Variants in CD9 observed in about 807,000 individuals in gnomAD.
CD9 encodes CD9 antigen.
CD9 carries 10 observed loss-of-function variants against 31.4 expected under a neutral mutation model. The ratio of observed to expected loss-of-function variants is 0.32; its 90% CI spans 0.20 to 0.54. CD9 has a LOEUF of 0.54. Ranked by LOEUF, CD9 falls within the 20% of genes least tolerant of loss-of-function variation. CD9 has a pLI of 0.94. For synonymous variants in CD9, 113 were observed against 114.1 expected (o/e 0.99, Z 0.06); for missense variants, 259 against 300.1 (o/e 0.86, Z 1.01).
At chr12:6,217,405 C>T (rs1325518639) in intron 1 of CD9, among the ~76,000 whole-genome samples, 1 of 152,116 alleles carries the variant, frequency 6.6e-6, no homozygotes, top group African/African-American at 2.4e-5. Context: ...GTGGCTTCCA[C>T]CTGTGGTGCC....
rs1946512037 is a variant in CD9 at position 6,235,758 on chromosome 12, A to C, written c.537+193A>C. On this transcript the variant is annotated intron_variant, in intron 6 of 7. Transcript: ENST00000009180. ...TCAAGGGCAATAAAACAAAGGCCGGACCAGGGGAATGACAAGTGTTCTGGC... is the reference window on the plus strand; with the variant it reads ...TCAAGGGCAATAAAACAAAGGCCGGCCCAGGGGAATGACAAGTGTTCTGGC... The C allele has an allele frequency of 2.1e-6, 3 of 1,406,040 alleles. No individual in the cohort carries two copies. In the Admixed American group the frequency reaches 9.2e-5, roughly 43 times the overall value. 87.1% of individuals were successfully genotyped at this position (1,406,040 alleles called of 1,614,324 possible). A position where few individuals can be genotyped will look rare whatever the true frequency, so the allele number is the denominator to read the frequency against.
At chr12:6,212,741 G>A (rs1032961407) in intron 1 of CD9, among the ~76,000 whole-genome samples, 8 of 152,168 alleles carry the variant, frequency 5.3e-5, no homozygotes, top group African/African-American at 1.7e-4. Context: ...TGTGGGGTAG[G>A]TACCATAATC....
chr12:6,211,026 T>TG (rs1946188601), intron 1 of CD9, among the ~76,000 whole-genome samples: 1 of 151,834 alleles, frequency 6.6e-6, no homozygotes, highest in African/African-American at 2.4e-5. Context: ...TTAGTAGAGA[T>TG]GGGGTTTCAC....
intron 1 of CD9, among the ~76,000 whole-genome samples, chr12:6,203,444 A>G (rs966518717): frequency 2.0e-5 from 3 of 152,216 alleles, no homozygotes; most frequent in Admixed American, 2.0e-4. Flanking sequence ...GCCAGTGCCC[A>G]GCAGCACTTT....
intron 2 of CD9, among the ~76,000 whole-genome samples, chr12:6,228,570 A>C (rs895265379): frequency 2.6e-5 from 4 of 151,722 alleles, no homozygotes; most frequent in East Asian, 1.9e-4. Context: ...AAAAAAAAAA[A>C]AAAAAAAAAA....
At chr12:6,218,528 C>A (rs1174483361) in intron 1 of CD9, among the ~76,000 whole-genome samples, 1 of 152,208 alleles carries the variant, frequency 6.6e-6, no homozygotes, top group Non-Finnish European at 1.5e-5. Context: ...TACATACGAA[C>A]CTCCCCAGGT....
upstream of CD9, chr12:6,200,217 G>A: frequency 6.2e-6 from 1 of 160,310 alleles, no homozygotes; most frequent in African/African-American, 2.5e-5. Context: ...AGCTGGGGCC[G>A]GGGCTCGCCG....
chr12:6,220,272 G>C (rs1946280536), intron 1 of CD9, among the ~76,000 whole-genome samples: 1 of 152,214 alleles, frequency 6.6e-6, no homozygotes, highest in South Asian at 2.1e-4. Context: ...GAGGCACAAT[G>C]CACGAGGCTG....
At chr12:6,205,924 T>G (rs892729804) in intron 1 of CD9, 1 of 152,268 alleles carries the variant, frequency 6.6e-6, no homozygotes, top group Non-Finnish European at 1.5e-5. Flanking sequence ...TTGAGGAAGC[T>G]GCATGTTTAT....
chr12:6,227,356 G>A (rs1946382739), intron 2 of CD9, among the ~76,000 whole-genome samples: 1 of 152,016 alleles, frequency 6.6e-6, no homozygotes, highest in Non-Finnish European at 1.5e-5. Flanking sequence ...GTGCCACCAT[G>A]CCCAGCTGAT....
rs11568260 is a variant in CD9, at chr12:6,232,145, TA to T, written c.176-486del. The T allele has an allele frequency of 0.011, 1,939 of 175,664 alleles. 38 individuals are homozygous for T. The highest frequency in any genetic ancestry group is 0.045 in the African/African-American group (1,869 of 41,676). The allele number at this position is 175,664 out of a possible 1,614,324, so 10.9% of individuals were successfully genotyped here. On this transcript the variant is annotated intron_variant, in intron 2 of 7. Transcript: ENST00000009180. This position sits in a 1 kb window ranked among gnomAD's most constrained non-coding sequence, Gnocchi z 4.8. ...AGAGTTGGTTCCCCCCACCCCTGGG[TA>T]GGGGGGTGCCTAGGTGTGCACGGCC...
chr12:6,211,912 C>G (rs1463938678), intron 1 of CD9, among the ~76,000 whole-genome samples: 1 of 152,200 alleles, frequency 6.6e-6, no homozygotes, highest in East Asian at 1.9e-4. Context: ...CGCCAGTACA[C>G]TTCACTGAAG....
At position 6,201,854 on chromosome 12, in the gene CD9, T is replaced by C. The variant is rs368113313; in HGVS notation, c.66+1289T>C. Among the ~76,000 whole-genome samples the C allele has an allele frequency of 6.6e-5, 10 of 151,970 alleles. No individual in the cohort carries two copies. In the East Asian group the frequency reaches 1.2e-3, roughly 18 times the overall value. ...AGGTTCAAGACCAGCCTGGGTAACA[T>C]AGTGAGACCCCCATCTCCACAAAAA... On this transcript the variant is annotated intron_variant, in intron 1 of 7. Transcript: ENST00000009180.
chr12:6,203,511 A>T, intron 1 of CD9, among the ~76,000 whole-genome samples: 1 of 152,174 alleles, frequency 6.6e-6, no homozygotes, highest in East Asian at 1.9e-4. Flanking sequence ...GGCCAACCTC[A>T]GTGGAGTAGG....
intron 6 of CD9, 186 bp from the exon 7 acceptor site, chr12:6,236,006 A>G (rs1946516980): frequency 7.0e-7 from 1 of 1,429,530 alleles, no homozygotes; most frequent in East Asian, 2.5e-5. Flanking sequence ...GGGATCCACT[A>G]GCATAGCCAT....
rs1018163444 is a variant in CD9, at chr12:6,232,135, C to G, written c.176-497C>G. 1.3e-4 allele frequency: 22 copies of G among 172,980 alleles called. No individual in the cohort carries two copies. Among genetic ancestry groups the G allele is most frequent in the Admixed American group, 2.2e-4 (4 of 18,482 alleles). The allele number at this position is 172,980 out of a possible 1,614,324, so 10.7% of individuals were successfully genotyped here. ...GGGAACAGGCAGAGTTGGTTCCCCC[C>G]ACCCCTGGGTAGGGGGGTGCCTAGG... On this transcript the variant is annotated intron_variant, in intron 2 of 7. Coordinates refer to ENST00000009180, the MANE Select transcript of CD9 (RefSeq NM_001769.4). The surrounding 1 kb of genome is among the most constrained non-coding windows in gnomAD (Gnocchi z 4.8).
chr12:6,216,036 G>C (rs1044948366), intron 1 of CD9, among the ~76,000 whole-genome samples: 2 of 152,170 alleles, frequency 1.3e-5, no homozygotes, highest in Admixed American at 6.5e-5. Context: ...ACACAGAGAG[G>C]GTTGGAGGAG....
In CD9 at chr12:6,200,885, G is replaced by C. The variant is rs183031281; in HGVS notation, c.66+320G>C. Reference sequence around the variant, plus strand: ...AGGATTTGAGCTGGGGTGTGTGTCTGCTCCCAGCTCAAGTCCCTCCGAGTG... The same window carrying C: ...AGGATTTGAGCTGGGGTGTGTGTCTCCTCCCAGCTCAAGTCCCTCCGAGTG... On this transcript the variant is annotated intron_variant, in intron 1 of 7. Transcript: ENST00000009180. 8.1e-4 allele frequency: 223 copies of C among 274,268 alleles called. 3 individuals are homozygous for C. In the East Asian group the frequency reaches 0.014, roughly 17 times the overall value. The allele number at this position is 274,268 out of a possible 1,614,324, so 17.0% of individuals were successfully genotyped here.
At chr12:6,235,725 C>T in intron 6 of CD9, 160 bp downstream of exon 6, 1 of 1,425,732 alleles carries the variant, frequency 7.0e-7, no homozygotes, top group Non-Finnish European at 9.2e-7. Context: ...TTTGGGCCCT[C>T]TGTTTACTCA....
Sources: gnomAD v4.1 joint callset for allele counts (sites outside exome capture counted in the v4.1 genomes callset) on GRCh38, gnomAD v4.1.1 for gene constraint, Gnocchi (gnomAD v3.1) non-coding constraint, MANE v1.5 for transcripts, NCBI Gene and HGNC (gene_info 2026-07-23, HGNC 2026-07-21) for gene names.